PVT1: variants seen among roughly 807,000 people sequenced by gnomAD.
The protein encoded by PVT1 is Pvt1 oncogene, also known as CXCR4/PVT1 fusion.
intron 3 of PVT1, among the ~76,000 whole-genome samples, chr8:127,909,219 C>T (rs1172452027): frequency 2.6e-5 from 4 of 152,224 alleles, no homozygotes; most frequent in Admixed American, 1.3e-4. Context: ...ACGCAGGCCG[C>T]GTTTTTGTCC....
At chr8:127,990,883 C>T (rs994757863) in intron 4 of PVT1, among the ~76,000 whole-genome samples, 2 of 152,122 alleles carry the variant, frequency 1.3e-5, no homozygotes, top group East Asian at 1.9e-4. Context: ...TTCTCCATGC[C>T]GGGAGGCTTC....
intron 4 of PVT1, among the ~76,000 whole-genome samples, chr8:128,022,483 C>G (rs1324401841): frequency 6.6e-6 from 1 of 152,178 alleles, no homozygotes; most frequent in Non-Finnish European, 1.5e-5. Flanking sequence ...CCACCTGGGT[C>G]AGGAAGGCAT....
intron 3 of PVT1, chr8:127,940,047 C>T (rs987581729): frequency 6.6e-6 from 1 of 152,040 alleles, no homozygotes; most frequent in African/African-American, 2.4e-5. Context: ...CAACAGTTGC[C>T]CTCATGGGGA....
intron 6 of PVT1, chr8:128,099,966 C>G (rs1814482390): frequency 6.6e-6 from 1 of 152,134 alleles, no homozygotes; most frequent in South Asian, 2.1e-4. Context: ...GTTCCCCAGC[C>G]AGCCGCAGGG....
chr8:128,036,690 T>C (rs1007815522), intron 4 of PVT1, among the ~76,000 whole-genome samples: 3 of 152,222 alleles, frequency 2.0e-5, no homozygotes, highest in African/African-American at 7.2e-5. Context: ...GCATACATCA[T>C]TCTTTTATTT....
chr8:128,069,841 G>A (rs2250962), intron 4 of PVT1, among the ~76,000 whole-genome samples: 36,035 of 151,968 alleles, frequency 0.24, 4,509 homozygotes, highest in East Asian at 0.39. Flanking sequence ...TTTTTCTTTC[G>A]AATTTTATTA....
intron 2 of PVT1, among the ~76,000 whole-genome samples, chr8:127,841,454 A>G (rs1217810342): frequency 6.6e-6 from 1 of 151,844 alleles, no homozygotes; most frequent in African/African-American, 2.4e-5. Flanking sequence ...TTGTATTTTT[A>G]GTAGAGAGGG....
intron 2 of PVT1, among the ~76,000 whole-genome samples, chr8:127,808,246 C>T (rs990957934): frequency 2.0e-4 from 31 of 152,080 alleles, no homozygotes; most frequent in African/African-American, 7.2e-4. Flanking sequence ...CAGGGTTTCA[C>T]CATGTTGGCC....
chr8:127,956,710 C>G (rs751845137), intron 3 of PVT1, among the ~76,000 whole-genome samples: 6 of 152,198 alleles, frequency 3.9e-5, no homozygotes, highest in Non-Finnish European at 8.8e-5. Flanking sequence ...GTCTGGATCT[C>G]TTGACCTCGT....
intron 2 of PVT1, among the ~76,000 whole-genome samples, chr8:127,811,243 T>A (rs1814591721): frequency 6.6e-6 from 1 of 152,222 alleles, no homozygotes; most frequent in African/African-American, 2.4e-5. Flanking sequence ...CTTCCACTTT[T>A]AAAAGAGAAG....
intron 3 of PVT1, among the ~76,000 whole-genome samples, chr8:127,900,962 C>T (rs545274341): frequency 2.6e-5 from 4 of 152,270 alleles, no homozygotes; most frequent in African/African-American, 9.6e-5. Flanking sequence ...TGGAAGGGGA[C>T]AAGGCAAGTG....
At chr8:127,929,661 G>A (rs184821586) in intron 3 of PVT1, among the ~76,000 whole-genome samples, 2 of 152,062 alleles carry the variant, frequency 1.3e-5, no homozygotes, top group Non-Finnish European at 2.9e-5. Context: ...CCAGCTACTC[G>A]GGAGGCTGAG....
intron 4 of PVT1, among the ~76,000 whole-genome samples, chr8:128,061,579 A>G (rs1447853046): frequency 6.6e-6 from 1 of 152,202 alleles, no homozygotes; most frequent in African/African-American, 2.4e-5. Context: ...AGCAACTGCT[A>G]AAGTCTTTTC....
intron 5 of PVT1, among the ~76,000 whole-genome samples, chr8:128,074,674 A>T (rs1414064803): frequency 6.6e-6 from 1 of 152,208 alleles, no homozygotes; most frequent in Non-Finnish European, 1.5e-5. Flanking sequence ...AATTAAAATA[A>T]CTTGTTGAAC....
At chr8:127,971,903 C>T (rs903060209) in intron 3 of PVT1, among the ~76,000 whole-genome samples, 9 of 152,252 alleles carry the variant, frequency 5.9e-5, no homozygotes, top group Middle Eastern at 3.4e-3. Context: ...TGCTGGTCTT[C>T]GGACAGTCCG....
intron 6 of PVT1, among the ~76,000 whole-genome samples, chr8:128,098,387 C>T (rs776476005): frequency 3.9e-5 from 6 of 152,000 alleles, no homozygotes; most frequent in African/African-American, 4.8e-5. Context: ...GGAGGGGGTG[C>T]GAATGGAAAG....
chr8:127,883,209 G>A (rs1815489274), intron 2 of PVT1, among the ~76,000 whole-genome samples: 1 of 151,996 alleles, frequency 6.6e-6, no homozygotes, highest in South Asian at 2.1e-4. Flanking sequence ...AAAGCTTTAG[G>A]ACCAGGGACG....
chr8:127,858,483 T>G (rs1350101027), intron 2 of PVT1, among the ~76,000 whole-genome samples: 12 of 151,856 alleles, frequency 7.9e-5, no homozygotes, highest in Admixed American at 7.9e-4. Context: ...TGGGCATAGG[T>G]TACCTTCTGC....
At chr8:127,921,719 A>C (rs1279920529) in intron 3 of PVT1, among the ~76,000 whole-genome samples, 1 of 151,964 alleles carries the variant, frequency 6.6e-6, no homozygotes, top group Non-Finnish European at 1.5e-5. Context: ...GAGGCTGTGC[A>C]TGAGAATCAC....
Sources: allele counts gnomAD v4.1 joint callset (sites outside exome capture counted in the v4.1 genomes callset), GRCh38; gene constraint gnomAD v4.1.1; transcripts MANE v1.5; gene names NCBI Gene and HGNC (gene_info 2026-07-23, HGNC 2026-07-21).